Variants in HOOK1 observed in about 807,000 individuals in gnomAD.
HOOK1 encodes the protein protein Hook homolog 1.
In HOOK1, 60 loss-of-function variants were observed where a neutral mutation model predicts 112.8. The observed-to-expected ratio is 0.53, with a 90% CI of 0.43 to 0.66. HOOK1 has a LOEUF of 0.66. Ranked by LOEUF, HOOK1 falls within the 30% of genes least tolerant of loss-of-function variation. The probability of loss-of-function intolerance (pLI) is 0.00; values close to 1 mark genes in which losing one functional copy is unlikely to be tolerated. For synonymous variants in HOOK1, 294 were observed against 283.8 expected (o/e 1.04, Z -0.36); for missense variants, 770 against 856.0 (o/e 0.90, Z 1.25).
intron 14 of HOOK1, among the ~76,000 whole-genome samples, chr1:59,859,261 T>G (rs915306183): frequency 6.6e-6 from 1 of 152,102 alleles, no homozygotes; most frequent in Non-Finnish European, 1.5e-5. Flanking sequence ...GAATAACATA[T>G]TTTAGTTTTT....
At chr1:59,861,323 A>G in intron 15 of HOOK1, among the ~76,000 whole-genome samples, 1 of 152,214 alleles carries the variant, frequency 6.6e-6, no homozygotes, top group Non-Finnish European at 1.5e-5. Context: ...CATAGATAAG[A>G]TCTAGATTGT....
intron 12 of HOOK1, among the ~76,000 whole-genome samples, chr1:59,856,556 A>G (rs2102059778): frequency 6.6e-6 from 1 of 151,988 alleles, no homozygotes; most frequent in African/African-American, 2.4e-5. Flanking sequence ...TTAAAATAAT[A>G]TAAAATTTCA....
chr1:59,854,595 T>G (rs774525752), intron 12 of HOOK1, among the ~76,000 whole-genome samples: 10 of 152,166 alleles, frequency 6.6e-5, no homozygotes, highest in Admixed American at 2.0e-4. Flanking sequence ...GTCTTTTTCT[T>G]TTAGCATTTT....
chr1:59,839,937 A>T (rs940905229), intron 7 of HOOK1, among the ~76,000 whole-genome samples: 1 of 152,156 alleles, frequency 6.6e-6, no homozygotes, highest in African/African-American at 2.4e-5. Context: ...TGCTGCATCT[A>T]TTGAGATAAT....
chr1:59,821,883 C>A lies in HOOK1; in HGVS notation c.89C>A (p.Pro30His). The A allele has an allele frequency of 6.2e-7, 1 of 1,604,306 alleles. No homozygotes were observed. The highest frequency in any genetic ancestry group is 8.5e-7 in the Non-Finnish European group (1 of 1,176,388). ...CTGCAGACATTCAATACTGCCTCAC[C>A]TTGTCAAGATGTCAAACAGCTGACT... The part of the protein sequence containing the change: ...IWLQTFNTAS[P>H]CQDVKQLTSG... Residue 30 changes from proline (P) to histidine (H), a missense_variant, in exon 2 of 22, where the codon CCT (proline) becomes CAT (histidine). By Grantham distance (77) the Pro-to-His change is moderately conservative. Around this residue, in one of 3 missense-constraint regions of HOOK1, gnomAD observed 655 missense variants for 725.9 expected, o/e 0.90. Coordinates refer to ENST00000371208, the MANE Select transcript of HOOK1 (RefSeq NM_015888.6).
intron 8 of HOOK1, 88 bp downstream of exon 8, chr1:59,840,479 T>C: frequency 1.4e-6 from 1 of 708,850 alleles, no homozygotes; most frequent in Non-Finnish European, 2.1e-6. Flanking sequence ...GCACTATGTT[T>C]TGTAGATTAG....
chr1:59,871,049 G>T lies in HOOK1; in HGVS notation c.1955G>T (p.Cys652Phe), dbSNP rs1298643520. The change falls in exon 21 of 22, where the codon TGC (cysteine) becomes TTC (phenylalanine). Residue 652 changes from cysteine to phenylalanine, a missense_variant. Cys to Phe is a radical substitution (Grantham distance 205). This residue lies in a region of HOOK1 where 111 missense variants were observed against 111.8 expected (regional missense o/e 0.99). Coordinates refer to ENST00000371208, the MANE Select transcript of HOOK1 (RefSeq NM_015888.6). ...ERRIEILESECKVAKFRDYEE... is the reference protein window; with the variant it reads ...ERRIEILESEFKVAKFRDYEE... Reference sequence around the variant, plus strand: ...CTCATATCTTTTTTCCAGAGTGAATGCAAAGTAGCAAAATTCCGTGATTAT... The same window carrying T: ...CTCATATCTTTTTTCCAGAGTGAATTCAAAGTAGCAAAATTCCGTGATTAT... The T allele has an allele frequency of 1.2e-6, 2 of 1,605,320 alleles. No homozygotes were observed. Among genetic ancestry groups the T allele is most frequent in the East Asian group, 4.5e-5 (2 of 44,716 alleles).
intron 5 of HOOK1, among the ~76,000 whole-genome samples, chr1:59,834,965 T>C (rs1185503139): frequency 3.3e-5 from 5 of 152,214 alleles, no homozygotes; most frequent in Non-Finnish European, 1.5e-5. Flanking sequence ...TCCTAAAAAT[T>C]TTAATATTAT....
In HOOK1 at chr1:59,815,153, G is replaced by C. The variant is rs1034318735; in HGVS notation, c.36G>C (p.Leu12=). The C allele has an allele frequency of 3.2e-6, 5 of 1,543,590 alleles. No individual in the cohort carries two copies. The highest frequency in any genetic ancestry group is 3.5e-6 in the Non-Finnish European group (4 of 1,146,604). The change falls in exon 1 of 22, where the codon CTG becomes CTC. Residue 12 remains leucine, a synonymous_variant. Coordinates refer to ENST00000371208, the MANE Select transcript of HOOK1 (RefSeq NM_015888.6). The part of the protein sequence containing the change: ...EETQPPPQPK[L]PLCDSLMIWL... ...CGCAGCCGCCGCCGCAGCCTAAGCTGCCCCTGTGCGACAGCCTCATGATCT... is the reference window on the plus strand; with the variant it reads ...CGCAGCCGCCGCCGCAGCCTAAGCTCCCCCTGTGCGACAGCCTCATGATCT...
intron 12 of HOOK1, among the ~76,000 whole-genome samples, chr1:59,857,735 T>C (rs1037643019): frequency 1.3e-5 from 2 of 152,224 alleles, no homozygotes; most frequent in African/African-American, 4.8e-5. Context: ...ACTTTTCAAG[T>C]TCTGGGAAAA....
At chr1:59,863,016 A>G (rs1256485615) in intron 16 of HOOK1, 139 bp downstream of exon 16, 3 of 467,998 alleles carry the variant, frequency 6.4e-6, no homozygotes, top group Non-Finnish European at 1.2e-5. Flanking sequence ...TATCTGCATA[A>G]TAGATGCAGT....
chr1:59,859,123 A>G (rs1296834165), intron 14 of HOOK1, 78 bp downstream of exon 14: 3 of 547,906 alleles, frequency 5.5e-6, no homozygotes, highest in Non-Finnish European at 8.5e-6. Context: ...CTTGGCCTTT[A>G]AAAACTTATT....
At chr1:59,823,091 A>T (rs550893984) in intron 2 of HOOK1, among the ~76,000 whole-genome samples, 8 of 152,150 alleles carry the variant, frequency 5.3e-5, no homozygotes, top group East Asian at 3.9e-4. Flanking sequence ...GAGGCCGAGG[A>T]GGGCGAATCA....
chr1:59,817,072 C>T (rs1282959449), intron 1 of HOOK1, among the ~76,000 whole-genome samples: 1 of 152,164 alleles, frequency 6.6e-6, no homozygotes, highest in African/African-American at 2.4e-5. Flanking sequence ...TCTTTTAAAA[C>T]GTTATTGTAT....
intron 17 of HOOK1, 117 bp downstream of exon 17, chr1:59,864,783 T>C: frequency 1.5e-6 from 1 of 685,810 alleles, no homozygotes. Context: ...TGCTAATTGA[T>C]ACACCTGCTG....
Position 59,835,388 on chromosome 1 carries a change from T to A in HOOK1, c.450T>A (p.His150Gln). 6.3e-7 allele frequency: 1 copy of A among 1,591,690 alleles called. No homozygotes were observed. The highest frequency in any genetic ancestry group is 8.6e-7 in the Non-Finnish European group (1 of 1,160,684). Residue 150 changes from histidine to glutamine, a missense_variant, in exon 6 of 22, where the codon CAT (histidine) becomes CAA (glutamine). His to Gln is a conservative substitution (Grantham distance 24, BLOSUM62 0). Around this residue, in one of 3 missense-constraint regions of HOOK1, gnomAD observed 655 missense variants for 725.9 expected, o/e 0.90. Coordinates refer to ENST00000371208, the MANE Select transcript of HOOK1 (RefSeq NM_015888.6). ...NIMTLEESVQ[H>Q]VVMTAIQELM... is the part of the protein sequence containing the mutation. ...TGACACTGGAAGAGTCTGTTCAACA[T>A]GTGGTCATGACTGCTATTCAAGAGG... is the stretch of plus-strand genomic sequence containing the variant.
In HOOK1 at chr1:59,823,111, C is replaced by G. The variant is rs549592938; in HGVS notation, c.149+1168C>G. ...CGAGGAGGGCGAATCACAAGGTCAG[C>G]AGATCGAGACCATCCTGGCTAACAT... On this transcript the variant is annotated intron_variant, in intron 2 of 21. Coordinates refer to ENST00000371208, the MANE Select transcript of HOOK1 (RefSeq NM_015888.6). 2.1e-3 allele frequency among the ~76,000 whole-genome samples: 325 copies of G among 152,218 alleles called. 2 individuals carry two copies. The highest frequency in any genetic ancestry group is 0.014 in the Middle Eastern group (4 of 294).
At chr1:59,865,840 C>A in intron 18 of HOOK1, 32 bp from the exon 19 acceptor site, 1 of 1,056,664 alleles carries the variant, frequency 9.5e-7, no homozygotes, top group Non-Finnish European at 1.4e-6. Context: ...ATATTAATAA[C>A]TGATTATGCT....
At chr1:59,848,101 G>A (rs1285188475) in intron 10 of HOOK1, among the ~76,000 whole-genome samples, 1 of 151,540 alleles carries the variant, frequency 6.6e-6, no homozygotes, top group African/African-American at 2.4e-5. Context: ...TATTTTGATG[G>A]CTTTATACCA....
Sources: allele counts gnomAD v4.1 joint callset (sites outside exome capture counted in the v4.1 genomes callset), GRCh38; gene constraint gnomAD v4.1.1; regional missense constraint gnomAD v4.1.1; transcripts MANE v1.5; gene names NCBI Gene and HGNC (gene_info 2026-07-23, HGNC 2026-07-21).